Variants in EXOC2 observed in about 807,000 individuals in gnomAD.
The protein encoded by EXOC2 is exocyst complex component 2.
Under a neutral mutation model 131.8 loss-of-function variants are expected in EXOC2, and 70 were observed. That is an observed-to-expected ratio of 0.53 (90% CI 0.44 to 0.65). The LOEUF (loss-of-function observed/expected upper bound fraction) is 0.65. Among genes scored for constraint, EXOC2 ranks in the 30% least tolerant of loss-of-function variants. The pLI is 0.00. For missense variants in EXOC2, 923 were observed against 1,108.6 expected (o/e 0.83, Z 2.38); for synonymous variants, 411 against 398.4 (o/e 1.03, Z -0.38).
chr6:567,866 G>C (rs182992994), intron 13 of EXOC2, among the ~76,000 whole-genome samples: 1 of 152,180 alleles, frequency 6.6e-6, no homozygotes, highest in Non-Finnish European at 1.5e-5. Context: ...GAGTGGCCCC[G>C]GGAGGCAGAT....
intron 1 of EXOC2, among the ~76,000 whole-genome samples, chr6:644,496 C>T (rs772707760): frequency 6.6e-6 from 1 of 152,014 alleles, no homozygotes; most frequent in Non-Finnish European, 1.5e-5. Context: ...TCTAGAAGTT[C>T]TAGCAGTGCA....
chr6:542,506 GATC>G (rs1463265338), intron 22 of EXOC2, among the ~76,000 whole-genome samples: 1 of 152,130 alleles, frequency 6.6e-6, no homozygotes, highest in Non-Finnish European at 1.5e-5. Context: ...TTTGGTGGAC[GATC>G]AAGATTTTGT....
intron 11 of EXOC2, among the ~76,000 whole-genome samples, chr6:580,159 A>T (rs2127605568): frequency 6.6e-6 from 1 of 151,946 alleles, no homozygotes; most frequent in African/African-American, 2.4e-5. Context: ...CTCTTGCCTC[A>T]GCCTCTCAAG....
intron 10 of EXOC2, among the ~76,000 whole-genome samples, chr6:592,954 C>T (rs1207138311): frequency 6.6e-6 from 1 of 152,068 alleles, no homozygotes; most frequent in Non-Finnish European, 1.5e-5. Flanking sequence ...CGCTTGAACC[C>T]GAGAGGCAGA....
intron 22 of EXOC2, among the ~76,000 whole-genome samples, chr6:538,559 A>C (rs1766602046): frequency 6.6e-6 from 1 of 152,218 alleles, no homozygotes; most frequent in South Asian, 2.1e-4. Flanking sequence ...AAGGCAGCAG[A>C]GTAGACATGC....
In EXOC2 at chr6:552,158, T is replaced by C. The variant is rs527571150; in HGVS notation, c.2121+1696A>G. 3.9e-5 allele frequency among the ~76,000 whole-genome samples: 6 copies of C among 152,326 alleles called. No homozygotes were observed. The South Asian group carries it at 1.0e-3, about 26-fold the overall frequency. ...CACAGAGATCAACCACGTTGCTAAA[T>C]AGCAGAAATCAGCCCCGCCCTGAGG... On this transcript the variant is annotated intron_variant, in intron 21 of 27. Coordinates refer to ENST00000230449, the MANE Select transcript of EXOC2 (RefSeq NM_018303.6).
At chr6:503,007 G>A (rs1023759145) in intron 23 of EXOC2, among the ~76,000 whole-genome samples, 8 of 152,306 alleles carry the variant, frequency 5.3e-5, no homozygotes, top group African/African-American at 1.4e-4. Context: ...GGAAAGGGCC[G>A]GAGTGAGGCG....
At chr6:572,371 G>T (rs1184927266) in intron 13 of EXOC2, 149 bp downstream of exon 13, 1 of 958,302 alleles carries the variant, frequency 1.0e-6, no homozygotes, top group Non-Finnish European at 1.5e-6. Context: ...AAGTGAGAGG[G>T]CTTTATAATG....
At chr6:511,355 C>T (rs1276038087) in intron 23 of EXOC2, among the ~76,000 whole-genome samples, 2 of 151,890 alleles carry the variant, frequency 1.3e-5, no homozygotes, top group Non-Finnish European at 2.9e-5. Flanking sequence ...AAAGAAAACA[C>T]CTTGAAATTA....
chr6:659,997 G>T (rs981691758), intron 1 of EXOC2, among the ~76,000 whole-genome samples: 29 of 150,202 alleles, frequency 1.9e-4, no homozygotes, highest in Non-Finnish European at 2.8e-4. Context: ...AGGGCTGTTG[G>T]GGGGGGGACA....
intron 22 of EXOC2, among the ~76,000 whole-genome samples, chr6:543,576 A>G (rs544818967): frequency 6.6e-6 from 1 of 152,224 alleles, no homozygotes; most frequent in South Asian, 2.1e-4. Context: ...GTCCTCAACA[A>G]AGGTAAGTTG....
intron 12 of EXOC2, among the ~76,000 whole-genome samples, chr6:574,452 C>T (rs1038328202): frequency 3.9e-5 from 6 of 152,170 alleles, no homozygotes; most frequent in African/African-American, 1.2e-4. Context: ...TAGTGTTATG[C>T]GACCTTTCTT....
chr6:523,406 A>G (rs530654933), intron 23 of EXOC2, among the ~76,000 whole-genome samples: 103 of 152,368 alleles, frequency 6.8e-4, no homozygotes, highest in African/African-American at 2.2e-3. Flanking sequence ...AGAAACTGCT[A>G]TTTGAACAAC....
intron 23 of EXOC2, among the ~76,000 whole-genome samples, chr6:507,747 G>C (rs1054688494): frequency 6.6e-6 from 1 of 152,148 alleles, no homozygotes; most frequent in African/African-American, 2.4e-5. Flanking sequence ...CTGAGCTTCT[G>C]ATTTTCTTTA....
rs77504458 is a variant in EXOC2, at chr6:613,463, A to G, written c.662-3285T>C. 4.1e-4 allele frequency among the ~76,000 whole-genome samples: 62 copies of G among 149,484 alleles called. 1 individual carries two copies. The East Asian group carries it at 0.012, about 29-fold the overall frequency. On this transcript the variant is annotated intron_variant, in intron 6 of 27. Transcript: ENST00000230449. Reference sequence around the variant, plus strand: ...TAAAAAAAAGAAAGAAAGAAAGAAAAAAACAACAAAAAAAGAGCAGAGAAG... The same window carrying G: ...TAAAAAAAAGAAAGAAAGAAAGAAAGAAACAACAAAAAAAGAGCAGAGAAG...
At chr6:595,761 G>C (rs1392619893) in intron 10 of EXOC2, among the ~76,000 whole-genome samples, 1 of 152,044 alleles carries the variant, frequency 6.6e-6, no homozygotes, top group African/African-American at 2.4e-5. Context: ...GAGCAGGGCA[G>C]GAAACAGCAG....
Position 631,570 on chromosome 6 carries a change from C to G in EXOC2, c.295+1371G>C, listed in dbSNP as rs74592869. On this transcript the variant is annotated intron_variant, in intron 3 of 27. Coordinates refer to ENST00000230449, the MANE Select transcript of EXOC2 (RefSeq NM_018303.6). ...AAACAAAAAGAAAAAAAAAAAGAAA[C>G]CTTTACTAAGCCTACTATGTGCTAG... Among the ~76,000 whole-genome samples the G allele has an allele frequency of 5.7e-3, 865 of 151,580 alleles. 8 individuals are homozygous for G. The highest frequency in any genetic ancestry group is 0.02 in the African/African-American group (817 of 41,372).
At chr6:641,780 A>T (rs370119102) in intron 1 of EXOC2, among the ~76,000 whole-genome samples, 1 of 152,034 alleles carries the variant, frequency 6.6e-6, no homozygotes, top group East Asian at 1.9e-4. Flanking sequence ...TTGCTCTCCC[A>T]CTTAAGACCT....
rs1358536665 is a variant in EXOC2 at position 486,787 on chromosome 6, T to G, written c.2682-23A>C. On this transcript the variant is annotated intron_variant, in intron 27 of 27. Transcript: ENST00000230449. ...AACCTGCAGGACGGAGACACTTGTT[T>G]TACAGCCCGACAGATGGGGCGGCCT... The G allele has an allele frequency of 5.0e-6, 8 of 1,600,052 alleles. No homozygotes were observed. The Admixed American group carries it at 1.3e-4, about 27-fold the overall frequency.
Sources: gnomAD v4.1 joint callset for allele counts (sites outside exome capture counted in the v4.1 genomes callset) on GRCh38, gnomAD v4.1.1 for gene constraint, MANE v1.5 for transcripts, NCBI Gene and HGNC (gene_info 2026-07-23, HGNC 2026-07-21) for gene names.